Variants in MTPAP observed in about 807,000 individuals in gnomAD.
The protein encoded by MTPAP is mitochondrial poly(A) polymerase.
Under a neutral mutation model 48.7 loss-of-function variants are expected in MTPAP, and 23 were observed. The ratio of observed to expected loss-of-function variants is 0.47; its 90% CI spans 0.34 to 0.67. The LOEUF is 0.67. Among genes scored for constraint, MTPAP ranks in the 30% least tolerant of loss-of-function variants. The pLI is 0.01. For synonymous variants in MTPAP, 257 were observed against 254.1 expected, an observed-to-expected ratio of 1.01 and a Z score of -0.11; for missense variants, 614 against 694.3, an observed-to-expected ratio of 0.88 and a Z score of 1.30.
chr10:30,348,387 T>G (rs184892753), intron 1 of MTPAP, among the ~76,000 whole-genome samples: 22 of 152,354 alleles, frequency 1.4e-4, no homozygotes, highest in Admixed American at 3.9e-4. Flanking sequence ...TTGCCTAAGT[T>G]ATTTACCTCT....
chr10:30,335,418 G>C (rs1225097775), intron 4 of MTPAP, among the ~76,000 whole-genome samples: 2 of 152,064 alleles, frequency 1.3e-5, no homozygotes, highest in Non-Finnish European at 2.9e-5. Context: ...CTTGGAAGGC[G>C]GAAGTTGCTG....
At chr10:30,313,998 A>T in intron 8 of MTPAP, 27 bp from the exon 9 acceptor site, 2 of 1,608,070 alleles carry the variant, frequency 1.2e-6, no homozygotes, top group Non-Finnish European at 1.7e-6. Context: ...AGAAGAAAAA[A>T]TGAGTAAGTA....
Position 30,337,095 on chromosome 10 carries a change from A to G in MTPAP, c.556-68T>C, listed in dbSNP as rs1834739041. 4 of 1,356,008 alleles carry G rather than the reference A, an allele frequency of 2.9e-6. No individual in the cohort carries two copies. In the South Asian group the frequency reaches 3.5e-5, roughly 12 times the overall value. The allele number at this position is 1,356,008 out of a possible 1,614,324, so 84.0% of individuals were successfully genotyped here. On this transcript the variant is annotated intron_variant, in intron 3 of 8. Coordinates refer to ENST00000263063, the MANE Select transcript of MTPAP (RefSeq NM_018109.4). ...AGGTCGCATAAAAAGTTACCATTTT[A>G]CTTTCAAAGATTTGGTGGCGTTGAA... is the stretch of plus-strand genomic sequence containing the variant.
At chr10:30,314,049 T>C in intron 8 of MTPAP, 78 bp from the exon 9 acceptor site, 1 of 1,470,928 alleles carries the variant, frequency 6.8e-7, no homozygotes, top group Non-Finnish European at 9.4e-7. Flanking sequence ...CTCAATAAAA[T>C]GTCAAAACAC....
chr10:30,333,188 G>A (rs1192856958), intron 4 of MTPAP, among the ~76,000 whole-genome samples: 3 of 152,022 alleles, frequency 2.0e-5, no homozygotes, highest in Non-Finnish European at 2.9e-5. Context: ...ACTCCTGCCT[G>A]TTTCCACCAA....
intron 4 of MTPAP, among the ~76,000 whole-genome samples, chr10:30,328,014 T>C (rs963351560): frequency 6.6e-6 from 1 of 152,086 alleles, no homozygotes; most frequent in Non-Finnish European, 1.5e-5. Context: ...AAGAATATGA[T>C]TGCATAAAAA....
rs1840572740 is a variant in MTPAP, at chr10:30,310,060, G to T, written c.*3549C>A. 1 of 152,060 alleles carries T rather than the reference G, an allele frequency of 6.6e-6. No individual in the cohort carries two copies. The highest frequency in any genetic ancestry group is 3.2e-3 in the Middle Eastern group (1 of 316). 9.4% of individuals were successfully genotyped at this position (152,060 alleles called of 1,614,324 possible). A position where few individuals can be genotyped will look rare whatever the true frequency, so the allele number is the denominator to read the frequency against. ...TTAGTAAAACTCATTACAGGTGAAA[G>T]CTACTGAATGAAAGCCTAGTAATAG... On this transcript the variant is annotated 3_prime_UTR_variant, in exon 9 of 9. Coordinates refer to ENST00000263063, the MANE Select transcript of MTPAP (RefSeq NM_018109.4).
Position 30,316,291 on chromosome 10 carries a change from G to C in MTPAP, c.1220-81C>G, listed in dbSNP as rs1840661520. On this transcript the variant is annotated intron_variant, in intron 6 of 8. Transcript: ENST00000263063. ...GGAGTCTCACTCTGTCATCCAGGCT[G>C]GAGTGTAGCGGCATGATCTCAGCTC... The C allele has an allele frequency of 2.8e-6, 3 of 1,063,554 alleles. No homozygotes were observed. In the East Asian group the frequency reaches 7.6e-5, roughly 27 times the overall value. The allele number at this position is 1,063,554 out of a possible 1,614,324, so 65.9% of individuals were successfully genotyped here. A position where few individuals can be genotyped will look rare whatever the true frequency, so the allele number is the denominator to read the frequency against.
intron 5 of MTPAP, among the ~76,000 whole-genome samples, chr10:30,323,504 G>C (rs1276372929): frequency 6.7e-6 from 1 of 149,052 alleles, no homozygotes; most frequent in Non-Finnish European, 1.5e-5. Context: ...CTAGAACTCA[G>C]AATATGTATG....
chr10:30,316,239 TG>T (rs1564517962), intron 6 of MTPAP, 29 bp from the exon 7 acceptor site: 18 of 1,539,174 alleles, frequency 1.2e-5, no homozygotes, highest in Admixed American at 3.4e-5. Flanking sequence ...ATATTTCACG[TG>T]TTTTTTTTTT....
chr10:30,316,297 T>C (rs1292552524), intron 6 of MTPAP, 87 bp from the exon 7 acceptor site: 5 of 1,035,914 alleles, frequency 4.8e-6, no homozygotes, highest in South Asian at 2.7e-5. Flanking sequence ...GGCTGGAGTG[T>C]AGCGGCATGA....
At chr10:30,346,032 CCTT>C (rs904254879) in intron 1 of MTPAP, among the ~76,000 whole-genome samples, 7 of 149,456 alleles carry the variant, frequency 4.7e-5, no homozygotes, top group African/African-American at 1.5e-4. Context: ...CTGAGAGACT[CCTT>C]CTCAAAAGAA....
intron 5 of MTPAP, among the ~76,000 whole-genome samples, chr10:30,324,452 G>A (rs1286371829): frequency 6.6e-6 from 1 of 152,028 alleles, no homozygotes; most frequent in Non-Finnish European, 1.5e-5. Flanking sequence ...TACTCAGGAG[G>A]TTGAGAAAGG....
chr10:30,318,438 T>A (rs561017804), intron 6 of MTPAP, among the ~76,000 whole-genome samples: 1 of 152,364 alleles, frequency 6.6e-6, no homozygotes, highest in East Asian at 1.9e-4. Flanking sequence ...GTTTTACTAT[T>A]TCAAGTAATT....
At chr10:30,321,510 A>T (rs955809084) in intron 6 of MTPAP, among the ~76,000 whole-genome samples, 1 of 152,226 alleles carries the variant, frequency 6.6e-6, no homozygotes, top group African/African-American at 2.4e-5. Flanking sequence ...GCAGAAAAAC[A>T]GTGTGAACAA....
chr10:30,339,233 TC>T, intron 3 of MTPAP, among the ~76,000 whole-genome samples: 1 of 152,004 alleles, frequency 6.6e-6, no homozygotes, highest in East Asian at 1.9e-4. Flanking sequence ...ACACCTATAA[TC>T]CCAGCAGTTT....
At chr10:30,338,396 G>T (rs1345693122) in intron 3 of MTPAP, among the ~76,000 whole-genome samples, 1 of 151,934 alleles carries the variant, frequency 6.6e-6, no homozygotes, top group African/African-American at 2.4e-5. Context: ...AAAAGAGGCC[G>T]GGCTCGGTGG....
rs139349333 is a variant in MTPAP, at chr10:30,336,175, A to C, written c.780+628T>G. Among the ~76,000 whole-genome samples, 595 of 152,298 alleles carry C rather than the reference A, an allele frequency of 3.9e-3. 3 individuals carry two copies. The highest frequency in any genetic ancestry group is 0.013 in the African/African-American group (545 of 41,572). On this transcript the variant is annotated intron_variant, in intron 4 of 8. Transcript: ENST00000263063. Reference sequence around the variant, plus strand: ...AAAAGCATACTGCTATTTATAAGAGATACACCCAAACTAAAATAACATATA... The same window carrying C: ...AAAAGCATACTGCTATTTATAAGAGCTACACCCAAACTAAAATAACATATA...
At chr10:30,327,430 T>TG (rs773056929) in intron 4 of MTPAP, among the ~76,000 whole-genome samples, 20 of 151,118 alleles carry the variant, frequency 1.3e-4, no homozygotes, top group Non-Finnish European at 2.9e-4. Context: ...ACCCAGGAGA[T>TG]GGAGGTTGCA....
Sources: gnomAD v4.1 joint callset for allele counts (sites outside exome capture counted in the v4.1 genomes callset) on GRCh38, gnomAD v4.1.1 for gene constraint, MANE v1.5 for transcripts, NCBI Gene and HGNC (gene_info 2026-07-23, HGNC 2026-07-21) for gene names.